The following ALG12 variants were observed in gnomAD, a reference collection of about 807,000 sequenced individuals.
ALG12 encodes ALG12 alpha-1,6-mannosyltransferase, also known as dol-P-Man:Man(7)GlcNAc(2)-PP-Dol alpha-1,6-mannosyltransferase.
Under a neutral mutation model 46.0 loss-of-function variants are expected in ALG12, and 36 were observed. The ratio of observed to expected loss-of-function variants is 0.78; its 90% CI spans 0.60 to 1.03. The LOEUF is 1.03. Ranked by LOEUF, ALG12 falls within the 50% of genes least tolerant of loss-of-function variation. The pLI, the probability that ALG12 is intolerant of heterozygous loss-of-function variation, is 0.00. For missense variants in ALG12, 599 were observed against 633.5 expected (o/e 0.95, Z 0.58); for synonymous variants, 326 against 291.6 (o/e 1.12, Z -1.20).
At chr22:49,885,070 A>G in the ALG12 span, 2 of 1,612,634 alleles carry the variant, frequency 1.2e-6, no homozygotes, top group Non-Finnish European at 1.7e-6. Flanking sequence ...CCTGGCCCCC[A>G]TGGACAGCCT....
the ALG12 span, among the ~76,000 whole-genome samples, chr22:49,882,331 G>A: frequency 6.6e-6 from 1 of 152,176 alleles, no homozygotes; most frequent in Admixed American, 6.5e-5. Flanking sequence ...TCGGGAGGAG[G>A]GCTCACACCT....
At chr22:49,885,038 C>A in the ALG12 span, 1 of 1,612,134 alleles carries the variant, frequency 6.2e-7, no homozygotes, top group Non-Finnish European at 8.5e-7. Context: ...AGACTGAAGT[C>A]GGAGGTCTGG....
At chr22:49,883,591 C>T in the ALG12 span, 5 of 1,453,410 alleles carry the variant, frequency 3.4e-6, no homozygotes, top group South Asian at 6.6e-5. Flanking sequence ...AATCTACATT[C>T]GGGGGCACAA....
the ALG12 span, among the ~76,000 whole-genome samples, chr22:49,872,413 C>T: frequency 6.6e-6 from 1 of 152,238 alleles, no homozygotes; most frequent in East Asian, 1.9e-4. Context: ...TCTGCAGTCA[C>T]TTCCTCCATT....
At chr22:49,873,716 C>A in the ALG12 span, among the ~76,000 whole-genome samples, 1 of 152,132 alleles carries the variant, frequency 6.6e-6, no homozygotes, top group Non-Finnish European at 1.5e-5. Flanking sequence ...TTGGGTCTTC[C>A]CACCTCATCA....
the ALG12 span, chr22:49,885,053 A>G: frequency 1.2e-6 from 2 of 1,611,818 alleles, no homozygotes; most frequent in African/African-American, 2.7e-5. Flanking sequence ...GTCTGGCATC[A>G]CTTCTCCCTG....
At chr22:49,880,255 C>A in the ALG12 span, among the ~76,000 whole-genome samples, 1 of 152,200 alleles carries the variant, frequency 6.6e-6, no homozygotes, top group African/African-American at 2.4e-5. Flanking sequence ...GGTGGAAACA[C>A]AAGCTGTTCC....
intron 7 of ALG12, among the ~76,000 whole-genome samples, chr22:49,907,150 A>G (rs1171533236): frequency 6.6e-6 from 1 of 151,868 alleles, no homozygotes; most frequent in African/African-American, 2.4e-5. Context: ...CGCCTTGACA[A>G]ACGCCCTCAA....
At chr22:49,873,059 G>C in the ALG12 span, among the ~76,000 whole-genome samples, 2 of 152,258 alleles carry the variant, frequency 1.3e-5, no homozygotes, top group East Asian at 3.9e-4. Context: ...ACAAACTCCT[G>C]AGCTCATGCA....
intron 2 of ALG12, 41 bp downstream of exon 2, chr22:49,913,563 G>T (rs1176829306): frequency 6.2e-7 from 1 of 1,613,936 alleles, no homozygotes; most frequent in South Asian, 1.1e-5. Flanking sequence ...CTGCCAGCTG[G>T]TAACATGAGG....
At chr22:49,885,428 G>T in the ALG12 span, 2 of 1,609,426 alleles carry the variant, frequency 1.2e-6, no homozygotes. Flanking sequence ...ATCAGCCGGG[G>T]GAAGAAGCCG....
chr22:49,898,579 G>A (rs141216727), downstream of ALG12, among the ~76,000 whole-genome samples: 1,466 of 151,756 alleles, frequency 9.7e-3, 11 homozygotes, highest in Non-Finnish European at 0.016. Context: ...TAGTAGAGAC[G>A]GGGTTTCACC....
intron 2 of ALG12, 36 bp downstream of exon 2, chr22:49,913,568 A>C: frequency 6.2e-7 from 1 of 1,613,836 alleles, no homozygotes; most frequent in South Asian, 1.1e-5. Flanking sequence ...AGCTGGTAAC[A>C]TGAGGTTTTC....
intron 3 of ALG12, among the ~76,000 whole-genome samples, chr22:49,912,856 G>A (rs1443831446): frequency 6.6e-6 from 1 of 151,486 alleles, no homozygotes; most frequent in South Asian, 2.1e-4. Context: ...GACACAGCAA[G>A]GCCCTGTCTC....
the ALG12 span, among the ~76,000 whole-genome samples, chr22:49,863,584 G>A: frequency 5.3e-5 from 8 of 150,074 alleles, no homozygotes; most frequent in Non-Finnish European, 1.0e-4. Flanking sequence ...CTGAGATCGC[G>A]CCACCGCACT....
chr22:49,863,588 C>T, the ALG12 span, among the ~76,000 whole-genome samples: 1 of 151,390 alleles, frequency 6.6e-6, no homozygotes, highest in Admixed American at 6.6e-5. Flanking sequence ...GATCGCGCCA[C>T]CGCACTCCAG....
rs981345301 is a variant in ALG12 at position 49,901,554 on chromosome 22, G to C, written c.*2284C>G. The C allele has an allele frequency of 1.3e-5, 2 of 150,992 alleles. No homozygotes were observed. Among genetic ancestry groups the C allele is most frequent in the African/African-American group, 4.9e-5 (2 of 40,812 alleles). 9.4% of individuals were successfully genotyped at this position (150,992 alleles called of 1,614,324 possible). A position where few individuals can be genotyped will look rare whatever the true frequency, so the allele number is the denominator to read the frequency against. ...TGGTGTGTGCACGTGTGCATTGTGT[G>C]TGCACGATTGCATTGTGTGGTGTGT... is the stretch of plus-strand genomic sequence containing the variant. On this transcript the variant is annotated 3_prime_UTR_variant, in exon 10 of 10. Coordinates refer to ENST00000330817, the MANE Select transcript of ALG12 (RefSeq NM_024105.4).
chr22:49,877,770 A>G, the ALG12 span, among the ~76,000 whole-genome samples: 1 of 152,240 alleles, frequency 6.6e-6, no homozygotes, highest in East Asian at 1.9e-4. Context: ...TGCAGGTGGC[A>G]TGGACACACA....
At chr22:49,910,761 G>A (rs1363318503) in intron 3 of ALG12, among the ~76,000 whole-genome samples, 154 bp from the exon 4 acceptor site, 1 of 152,240 alleles carries the variant, frequency 6.6e-6, no homozygotes, top group African/African-American at 2.4e-5. Context: ...CAGCCTTGAG[G>A]GCATCGTCTC....
Sources: allele counts gnomAD v4.1 joint callset (sites outside exome capture counted in the v4.1 genomes callset), GRCh38; gene constraint gnomAD v4.1.1; transcripts MANE v1.5; gene names NCBI Gene and HGNC (gene_info 2026-07-23, HGNC 2026-07-21).